GNG7: variants seen among roughly 807,000 people sequenced by gnomAD.
GNG7 encodes the protein G protein subunit gamma 7.
Under a neutral mutation model 4.0 loss-of-function variants are expected in GNG7, and 1 was observed. That is an observed-to-expected ratio of 0.25 (90% CI 0.09 to 1.18). The LOEUF is 1.18. Ranked by LOEUF, GNG7 falls within the 50% of genes most tolerant of loss-of-function variation. GNG7 has a pLI of 0.50. For synonymous variants in GNG7, 34 were observed against 36.9 expected, an observed-to-expected ratio of 0.92 and a Z score of 0.29; for missense variants, 86 against 91.9, an observed-to-expected ratio of 0.94 and a Z score of 0.26.
At chr19:2,536,065 C>G (rs1374512120) in intron 3 of GNG7, among the ~76,000 whole-genome samples, 6 of 152,052 alleles carry the variant, frequency 3.9e-5, no homozygotes, top group African/African-American at 1.4e-4. Flanking sequence ...TTGGAGGCTG[C>G]GGTGAGTTGT....
intron 3 of GNG7, among the ~76,000 whole-genome samples, chr19:2,540,514 G>T (rs1303101218): frequency 6.6e-6 from 1 of 152,340 alleles, no homozygotes; most frequent in South Asian, 2.1e-4. Flanking sequence ...CTGTGCAGAG[G>T]GTGGGTGCGT....
chr19:2,578,626 C>G (rs2144788725), intron 2 of GNG7, among the ~76,000 whole-genome samples: 1 of 152,308 alleles, frequency 6.6e-6, no homozygotes, highest in African/African-American at 2.4e-5. Flanking sequence ...CTGTTTGCAG[C>G]TTTTCAGCAG....
chr19:2,512,001 C>G lies in GNG7; in HGVS notation c.*3021G>C. 2 of 985,936 alleles carry G rather than the reference C, an allele frequency of 2.0e-6. No homozygotes were observed. Among genetic ancestry groups the G allele is most frequent in the Non-Finnish European group, 2.4e-6 (2 of 829,968 alleles). 61.1% of individuals were successfully genotyped at this position (985,936 alleles called of 1,614,324 possible). A position where few individuals can be genotyped will look rare whatever the true frequency, so the allele number is the denominator to read the frequency against. ...TTCACCTGGCTACTGGTGTCTCGCT[C>G]AGCAGCGGGGAAGGCCCGTGGGAGA... is the stretch of plus-strand genomic sequence containing the variant. On this transcript the variant is annotated 3_prime_UTR_variant, in exon 5 of 5. Coordinates refer to ENST00000382159, the MANE Select transcript of GNG7 (RefSeq NM_052847.3). This position sits in a 1 kb window ranked among gnomAD's most constrained non-coding sequence, Gnocchi z 4.7.
At chr19:2,689,634 A>AC (rs1194189586) in intron 1 of GNG7, among the ~76,000 whole-genome samples, 1 of 150,908 alleles carries the variant, frequency 6.6e-6, no homozygotes, top group African/African-American at 2.4e-5. Flanking sequence ...AAAAAAAAAA[A>AC]AAAAAAAAAA....
chr19:2,581,394 C>T (rs1335811862), intron 2 of GNG7, among the ~76,000 whole-genome samples: 3 of 151,906 alleles, frequency 2.0e-5, no homozygotes, highest in African/African-American at 7.3e-5. Flanking sequence ...AATTCCTTCA[C>T]TTGCAAATTG....
chr19:2,517,668 C>A (rs1014539166), intron 4 of GNG7, among the ~76,000 whole-genome samples: 2 of 152,020 alleles, frequency 1.3e-5, no homozygotes, highest in Non-Finnish European at 2.9e-5. Context: ...CCTGGCCTGG[C>A]CATAATTTTT....
chr19:2,565,779 C>T (rs74626985), intron 2 of GNG7, among the ~76,000 whole-genome samples: 1,575 of 152,184 alleles, frequency 0.01, 33 homozygotes, highest in African/African-American at 0.037. Context: ...TGAGCCCGGC[C>T]GAGTCCTACA....
intron 3 of GNG7, among the ~76,000 whole-genome samples, chr19:2,528,690 G>A (rs967973541): frequency 6.6e-6 from 1 of 152,168 alleles, no homozygotes; most frequent in Non-Finnish European, 1.5e-5. Flanking sequence ...GAAGGTGGTA[G>A]GCCAGAAATC....
chr19:2,568,838 A>G (rs1325642707), intron 2 of GNG7, among the ~76,000 whole-genome samples: 1 of 152,074 alleles, frequency 6.6e-6, no homozygotes, highest in Middle Eastern at 3.2e-3. Context: ...ATATATACAC[A>G]TATGCAAATA....
intron 1 of GNG7, among the ~76,000 whole-genome samples, chr19:2,667,416 T>C (rs1312800644): frequency 6.6e-6 from 1 of 152,160 alleles, no homozygotes; most frequent in Non-Finnish European, 1.5e-5. Flanking sequence ...TTACCATCTA[T>C]CTTCTGTGCG....
intron 2 of GNG7, among the ~76,000 whole-genome samples, chr19:2,604,329 G>A (rs576668040): frequency 4.0e-5 from 6 of 151,690 alleles, no homozygotes; most frequent in Admixed American, 6.6e-5. Flanking sequence ...TAAATTAGCC[G>A]GATGTGGTGG....
rs1314927878 is a variant in GNG7 at position 2,557,066 on chromosome 19, CACAG to C, written c.-77-1882_-77-1879del. Among the ~76,000 whole-genome samples, 1 of 93,268 alleles carries C rather than the reference CACAG, an allele frequency of 1.1e-5. No homozygotes were observed. The highest frequency in any genetic ancestry group is 3.6e-5 in the African/African-American group (1 of 28,130). 61.2% of individuals were successfully genotyped at this position (93,268 alleles called of 152,430 possible). A position where few individuals can be genotyped will look rare whatever the true frequency, so the allele number is the denominator to read the frequency against. ...GCACACTCACACACATATGCACGCA[CACAG>C]ACACACGCACACACGTGCACACAGG... On this transcript the variant is annotated intron_variant, in intron 2 of 4. Transcript: ENST00000382159. This position sits in a 1 kb window ranked among gnomAD's most constrained non-coding sequence, Gnocchi z 5.1.
At chr19:2,524,999 T>TA (rs1360038287) in intron 3 of GNG7, among the ~76,000 whole-genome samples, 3 of 151,584 alleles carry the variant, frequency 2.0e-5, no homozygotes, top group Non-Finnish European at 4.4e-5. Context: ...GTCGCCTCCC[T>TA]AAGTCCCCGT....
chr19:2,541,107 G>A (rs1034533068), intron 3 of GNG7, among the ~76,000 whole-genome samples: 7 of 152,240 alleles, frequency 4.6e-5, no homozygotes, highest in African/African-American at 1.7e-4. Context: ...CCAGAGAGGC[G>A]AGGGAGCGGG....
intron 2 of GNG7, among the ~76,000 whole-genome samples, chr19:2,631,149 G>C (rs1372097825): frequency 6.6e-6 from 1 of 152,170 alleles, no homozygotes; most frequent in Non-Finnish European, 1.5e-5. Context: ...AGCTTGACAT[G>C]CATTAACCCC....
At chr19:2,519,246 G>T (rs1166791978) in intron 4 of GNG7, among the ~76,000 whole-genome samples, 2 of 149,416 alleles carry the variant, frequency 1.3e-5, no homozygotes, top group Non-Finnish European at 3.0e-5. Context: ...CACCTCCCAG[G>T]TTCAAGTGAT....
At chr19:2,699,340 G>A (rs372249023) in intron 1 of GNG7, among the ~76,000 whole-genome samples, 4 of 151,946 alleles carry the variant, frequency 2.6e-5, no homozygotes, top group African/African-American at 9.7e-5. Flanking sequence ...GTACAGATGG[G>A]GTTTCACCAT....
At chr19:2,693,423 AAAAAAAAGAAAGAAAG>A (rs1913177862) in intron 1 of GNG7, among the ~76,000 whole-genome samples, 2 of 151,778 alleles carry the variant, frequency 1.3e-5, no homozygotes, top group Non-Finnish European at 2.9e-5. Context: ...CTCAAAAAAA[AAAAAAAAGAAAGAAAG>A]AAAAAAAGAA....
At chr19:2,521,639 A>C (rs1211862309) in intron 3 of GNG7, among the ~76,000 whole-genome samples, 1 of 96,050 alleles carries the variant, frequency 1.0e-5, no homozygotes, top group Non-Finnish European at 2.0e-5. Context: ...TTTGAGACAG[A>C]GTCTTGCTCT....
Sources: allele counts gnomAD v4.1 joint callset (sites outside exome capture counted in the v4.1 genomes callset), GRCh38; gene constraint gnomAD v4.1.1; non-coding constraint Gnocchi (gnomAD v3.1); transcripts MANE v1.5; gene names NCBI Gene and HGNC (gene_info 2026-07-23, HGNC 2026-07-21).